Variants in PACS1 observed in about 807,000 individuals in gnomAD.
The protein encoded by PACS1 is phosphofurin acidic cluster sorting protein 1, also known as PACS-1.
Under a neutral mutation model 115.0 loss-of-function variants are expected in PACS1, and 24 were observed. That is an observed-to-expected ratio of 0.21 (90% CI 0.15 to 0.29). PACS1 has a LOEUF of 0.29. Among genes scored for constraint, PACS1 ranks in the 10% least tolerant of loss-of-function variants. PACS1 has a pLI of 1.00. For missense variants in PACS1, 838 were observed against 1,251.2 expected (o/e 0.67, Z 4.98); for synonymous variants, 453 against 504.5 (o/e 0.90, Z 1.37).
Position 66,221,149 on chromosome 11 carries a change from C to A in PACS1, c.1200-5C>A. The A allele has an allele frequency of 6.2e-7, 1 of 1,613,850 alleles. No individual in the cohort carries two copies. The highest frequency in any genetic ancestry group is 1.1e-5 in the South Asian group (1 of 91,082). On this transcript the variant is annotated splice_polypyrimidine_tract_variant and splice_region_variant and intron_variant, in intron 9 of 23. Coordinates refer to ENST00000320580, the MANE Select transcript of PACS1 (RefSeq NM_018026.4). Reference sequence around the variant, plus strand: ...CACTGACCCTGGCTGTGCTCTTCACCACAGGCCTTTCTTTGAGGGGATGTC... The same window carrying A: ...CACTGACCCTGGCTGTGCTCTTCACAACAGGCCTTTCTTTGAGGGGATGTC...
At chr11:66,141,672 C>T (rs1205809471) in intron 1 of PACS1, among the ~76,000 whole-genome samples, 2 of 150,906 alleles carry the variant, frequency 1.3e-5, no homozygotes, top group Non-Finnish European at 3.0e-5. Context: ...AAAAAAAATG[C>T]TCATTGTAAC....
At chr11:66,216,076 G>A (rs371785777) in intron 4 of PACS1, 43 bp from the exon 5 acceptor site, 9 of 1,604,902 alleles carry the variant, frequency 5.6e-6, no homozygotes, top group Non-Finnish European at 7.7e-6. Context: ...TTCTCCAGGT[G>A]CCTCTGTAGT....
In PACS1 at chr11:66,182,447, G is replaced by A. The variant is rs1860031807; in HGVS notation, c.357-11039G>A. 2.6e-5 allele frequency among the ~76,000 whole-genome samples: 4 copies of A among 152,076 alleles called. No individual in the cohort carries two copies. The South Asian group carries it at 8.3e-4, about 32-fold the overall frequency. Reference sequence around the variant, plus strand: ...AAATTGCCCCATTCAAACATTTTCGGGAAGAAAATTTAGTTGCTTTGCTTT... The same window carrying A: ...AAATTGCCCCATTCAAACATTTTCGAGAAGAAAATTTAGTTGCTTTGCTTT... On this transcript the variant is annotated intron_variant, in intron 1 of 23. Transcript: ENST00000320580.
Position 66,241,338 on chromosome 11 carries a change from G to A in PACS1, c.2430-89G>A, listed in dbSNP as rs1482047158. 18 of 967,348 alleles carry A rather than the reference G, an allele frequency of 1.9e-5. No individual in the cohort carries two copies. Among genetic ancestry groups the A allele is most frequent in the African/African-American group, 4.9e-5 (3 of 61,450 alleles). 59.9% of individuals were successfully genotyped at this position (967,348 alleles called of 1,614,324 possible). ...GCAGCCTTCCTCAGCCTGCCCTCCC[G>A]GGGACTGGCATGGCCCCTACCCCAT... is the stretch of plus-strand genomic sequence containing the variant. On this transcript the variant is annotated intron_variant, in intron 21 of 23. Transcript: ENST00000320580.
intron 1 of PACS1, among the ~76,000 whole-genome samples, chr11:66,116,994 C>T (rs1450455815): frequency 6.6e-6 from 1 of 151,886 alleles, no homozygotes; most frequent in South Asian, 2.1e-4. Context: ...GGGACAAATG[C>T]TGGGTAGAAA....
chr11:66,101,839 C>T (rs912035578), intron 1 of PACS1, among the ~76,000 whole-genome samples: 2 of 152,182 alleles, frequency 1.3e-5, no homozygotes, highest in African/African-American at 4.8e-5. Context: ...AGAGCTCTGT[C>T]TCGCTTAGCA....
At chr11:66,234,655 A>C (rs1855670758) in intron 17 of PACS1, among the ~76,000 whole-genome samples, 1 of 152,192 alleles carries the variant, frequency 6.6e-6, no homozygotes, top group Non-Finnish European at 1.5e-5. Context: ...GGCACGGTGG[A>C]TCACTTGAAC....
At chr11:66,180,474 C>A (rs1389961901) in intron 1 of PACS1, among the ~76,000 whole-genome samples, 1 of 152,000 alleles carries the variant, frequency 6.6e-6, no homozygotes, top group Non-Finnish European at 1.5e-5. Context: ...CCTGCCTCAG[C>A]TTCCTGAGTA....
At chr11:66,142,203 G>GGGA (rs1357730536) in intron 1 of PACS1, among the ~76,000 whole-genome samples, 4 of 152,178 alleles carry the variant, frequency 2.6e-5, no homozygotes, top group Admixed American at 2.0e-4. Flanking sequence ...TATGGACATT[G>GGGA]TTCTGTACCA....
intron 10 of PACS1, 64 bp downstream of exon 10, chr11:66,221,311 C>T: frequency 1.5e-6 from 2 of 1,340,464 alleles, no homozygotes; most frequent in South Asian, 1.2e-5. Context: ...GACGCTCTGG[C>T]CCTCTGCATC....
At chr11:66,166,567 A>T (rs1262892076) in intron 1 of PACS1, among the ~76,000 whole-genome samples, 1 of 150,594 alleles carries the variant, frequency 6.6e-6, no homozygotes, top group Non-Finnish European at 1.5e-5. Flanking sequence ...GTTTTACTCT[A>T]TATGTATTTC....
chr11:66,165,940 A>G (rs1859589511), intron 1 of PACS1, among the ~76,000 whole-genome samples: 1 of 152,046 alleles, frequency 6.6e-6, no homozygotes, highest in Admixed American at 6.6e-5. Flanking sequence ...TTCCTGGGCC[A>G]CGCCACAGCC....
chr11:66,235,239 G>T lies in PACS1; in HGVS notation c.2105-62G>T. 1 of 1,217,072 alleles carries T rather than the reference G, an allele frequency of 8.2e-7. No individual in the cohort carries two copies. The highest frequency in any genetic ancestry group is 1.2e-6 in the Non-Finnish European group (1 of 820,212). The allele number at this position is 1,217,072 out of a possible 1,614,324, so 75.4% of individuals were successfully genotyped here. ...CTCAGGAAGGGATCCCTCTCCGAGAGGGTCTGCAGGTTTGCCAGCTGAAGT... is the reference window on the plus strand; with the variant it reads ...CTCAGGAAGGGATCCCTCTCCGAGATGGTCTGCAGGTTTGCCAGCTGAAGT... On this transcript the variant is annotated intron_variant, in intron 17 of 23. Coordinates refer to ENST00000320580, the MANE Select transcript of PACS1 (RefSeq NM_018026.4). The surrounding 1 kb of genome is among the most constrained non-coding windows in gnomAD (Gnocchi z 5.6).
intron 7 of PACS1, 90 bp downstream of exon 7, chr11:66,216,865 C>CTTTTTTTTTTTTTTTT: frequency 2.4e-6 from 2 of 818,128 alleles, no homozygotes; most frequent in East Asian, 2.8e-5. Context: ...GTGGAGACTT[C>CTTTTTTTTTTTTTTTT]TTAAAATCAA....
At chr11:66,163,653 A>G (rs918950776) in intron 1 of PACS1, among the ~76,000 whole-genome samples, 3 of 152,178 alleles carry the variant, frequency 2.0e-5, no homozygotes, top group Non-Finnish European at 4.4e-5. Context: ...TATTTGAATC[A>G]AAGTCTTCTG....
At chr11:66,174,328 G>A (rs545675693) in intron 1 of PACS1, among the ~76,000 whole-genome samples, 1 of 144,020 alleles carries the variant, frequency 6.9e-6, no homozygotes, top group South Asian at 2.3e-4. Context: ...TGGTAGGAAT[G>A]TAAAATGGCA....
chr11:66,190,959 G>A (rs1447878744), intron 1 of PACS1, among the ~76,000 whole-genome samples: 1 of 152,210 alleles, frequency 6.6e-6, no homozygotes, highest in Non-Finnish European at 1.5e-5. Flanking sequence ...GGGATGAGGG[G>A]TGGTTCACTT....
intron 1 of PACS1, among the ~76,000 whole-genome samples, chr11:66,147,969 A>G (rs1374780972): frequency 1.3e-5 from 2 of 152,118 alleles, no homozygotes; most frequent in Non-Finnish European, 1.5e-5. Flanking sequence ...TACACCTTCT[A>G]TATACCCACA....
chr11:66,242,774 A>C lies in PACS1; in HGVS notation c.2657-138A>C, dbSNP rs112181392. 21 of 1,158,798 alleles carry C rather than the reference A, an allele frequency of 1.8e-5. No homozygotes were observed. In the African/African-American group the frequency reaches 2.2e-4, roughly 12 times the overall value. 71.8% of individuals were successfully genotyped at this position (1,158,798 alleles called of 1,614,324 possible). ...CAGGAACCTGAAGATCCTGACCCAC[A>C]GCCCAGTGCCAGGGAGGAGGGGTTG... On this transcript the variant is annotated intron_variant, in intron 22 of 23. Transcript: ENST00000320580.
Sources: gnomAD v4.1 joint callset for allele counts (sites outside exome capture counted in the v4.1 genomes callset) on GRCh38, gnomAD v4.1.1 for gene constraint, Gnocchi (gnomAD v3.1) non-coding constraint, MANE v1.5 for transcripts, NCBI Gene and HGNC (gene_info 2026-07-23, HGNC 2026-07-21) for gene names.